The following TSPAN18 variants were observed in gnomAD, a reference collection of about 807,000 sequenced individuals.
TSPAN18 encodes tetraspanin-18.
Under a neutral mutation model 27.3 loss-of-function variants are expected in TSPAN18, and 14 were observed. That is an observed-to-expected ratio of 0.51 (90% CI 0.34 to 0.80). The LOEUF is 0.80. TSPAN18 is among the 30% of genes least tolerant of loss of function. The probability of loss-of-function intolerance (pLI) is 0.01; values close to 1 mark genes in which losing one functional copy is unlikely to be tolerated. For synonymous variants in TSPAN18, 143 were observed against 136.5 expected, an observed-to-expected ratio of 1.05 and a Z score of -0.33; for missense variants, 268 against 323.9, an observed-to-expected ratio of 0.83 and a Z score of 1.32.
intron 3 of TSPAN18, among the ~76,000 whole-genome samples, chr11:44,902,424 A>G (rs10838384): frequency 0.23 from 34,737 of 152,164 alleles, 4,289 homozygotes; most frequent in Middle Eastern, 0.32. Context: ...TGAGGGATGT[A>G]GCTGGCAAGC....
chr11:44,847,444 A>G (rs1210137885), intron 2 of TSPAN18, among the ~76,000 whole-genome samples: 2 of 152,230 alleles, frequency 1.3e-5, no homozygotes, highest in Non-Finnish European at 2.9e-5. Flanking sequence ...AATGTTTGGG[A>G]GGTTCATCCA....
At chr11:44,926,495 C>T in intron 8 of TSPAN18, 179 bp from the exon 9 acceptor site, 2 of 632,570 alleles carry the variant, frequency 3.2e-6, no homozygotes, top group Non-Finnish European at 5.7e-6. Flanking sequence ...GCAATGCTGC[C>T]AAGTCGCTGT....
chr11:44,847,904 G>A (rs1365083429), intron 2 of TSPAN18, among the ~76,000 whole-genome samples: 2 of 151,884 alleles, frequency 1.3e-5, no homozygotes, highest in Non-Finnish European at 2.9e-5. Flanking sequence ...CGTGATCTCA[G>A]CTCACTGCAA....
chr11:44,851,622 C>CCCA (rs1554991797), intron 2 of TSPAN18, among the ~76,000 whole-genome samples: 6 of 148,442 alleles, frequency 4.0e-5, no homozygotes, highest in South Asian at 4.4e-4. Flanking sequence ...ACCTCCCCCC[C>CCCA]CCAACGGCTG....
intron 3 of TSPAN18, among the ~76,000 whole-genome samples, chr11:44,895,592 A>G (rs973957023): frequency 1.4e-4 from 21 of 152,238 alleles, no homozygotes; most frequent in African/African-American, 5.1e-4. Flanking sequence ...AAATGAAGTT[A>G]GTTCAGGGAA....
chr11:44,802,464 T>G (rs933855178), intron 2 of TSPAN18, among the ~76,000 whole-genome samples: 1 of 152,108 alleles, frequency 6.6e-6, no homozygotes, highest in African/African-American at 2.4e-5. Context: ...TAATTTGCAT[T>G]TTAAATAAAT....
At chr11:44,810,401 C>T (rs1048489351) in intron 2 of TSPAN18, among the ~76,000 whole-genome samples, 1 of 152,124 alleles carries the variant, frequency 6.6e-6, no homozygotes, top group Non-Finnish European at 1.5e-5. Flanking sequence ...CCTTTTGTGT[C>T]TGGCTTCTTA....
intron 3 of TSPAN18, among the ~76,000 whole-genome samples, chr11:44,887,915 G>A (rs1858713173): frequency 6.6e-6 from 1 of 152,152 alleles, no homozygotes; most frequent in Non-Finnish European, 1.5e-5. Flanking sequence ...AGTGTGGTGG[G>A]CCAGGTTGTC....
At chr11:44,799,991 C>T (rs558993021) in intron 2 of TSPAN18, among the ~76,000 whole-genome samples, 29 of 149,426 alleles carry the variant, frequency 1.9e-4, no homozygotes, top group African/African-American at 6.9e-4. Flanking sequence ...CCACCACACC[C>T]GGCTAATTTT....
At chr11:44,783,804 GT>G (rs1163291782) in intron 2 of TSPAN18, among the ~76,000 whole-genome samples, 1 of 152,208 alleles carries the variant, frequency 6.6e-6, no homozygotes, top group African/African-American at 2.4e-5. Flanking sequence ...AGTGTCTTAT[GT>G]CATGGCCTGT....
chr11:44,774,583 G>A (rs974811156), intron 2 of TSPAN18, among the ~76,000 whole-genome samples: 2 of 152,140 alleles, frequency 1.3e-5, no homozygotes, highest in Non-Finnish European at 2.9e-5. Flanking sequence ...CTTGCAATTG[G>A]GGACCTCCCA....
chr11:44,911,330 C>T (rs1376894086), intron 5 of TSPAN18, among the ~76,000 whole-genome samples: 1 of 152,088 alleles, frequency 6.6e-6, no homozygotes, highest in African/African-American at 2.4e-5. Context: ...ACCATACCTC[C>T]TCCCCAGACG....
chr11:44,910,625 G>A (rs1859673186), intron 5 of TSPAN18, among the ~76,000 whole-genome samples: 1 of 152,258 alleles, frequency 6.6e-6, no homozygotes, highest in Admixed American at 6.5e-5. Context: ...CCTAGTGGAT[G>A]AGGCCTTCCC....
chr11:44,908,071 G>T (rs868042489), intron 4 of TSPAN18, among the ~76,000 whole-genome samples: 1 of 87,258 alleles, frequency 1.1e-5, no homozygotes, highest in Non-Finnish European at 2.3e-5. Context: ...AAAAAAAAAA[G>T]GAGAGAGACA....
At chr11:44,775,344 G>A (rs911078864) in intron 2 of TSPAN18, among the ~76,000 whole-genome samples, 2 of 152,268 alleles carry the variant, frequency 1.3e-5, no homozygotes, top group South Asian at 2.1e-4. Context: ...CTTTTTGCAC[G>A]TGTGTAGTCA....
chr11:44,862,273 C>T (rs1196746889), intron 3 of TSPAN18, among the ~76,000 whole-genome samples: 1 of 152,206 alleles, frequency 6.6e-6, no homozygotes, highest in Non-Finnish European at 1.5e-5. Flanking sequence ...ATTTAGGGTG[C>T]GATGTGTGAT....
chr11:44,769,927 T>A (rs1288402208), intron 2 of TSPAN18, among the ~76,000 whole-genome samples: 1 of 152,256 alleles, frequency 6.6e-6, no homozygotes, highest in Non-Finnish European at 1.5e-5. Flanking sequence ...CGTGGCTCTA[T>A]CACTAAGTAT....
At chr11:44,735,961 G>C (rs1421932565) in intron 1 of TSPAN18, among the ~76,000 whole-genome samples, 1 of 152,164 alleles carries the variant, frequency 6.6e-6, no homozygotes, top group African/African-American at 2.4e-5. Context: ...GTTCCTGACA[G>C]CTAGGGGTTA....
intron 2 of TSPAN18, among the ~76,000 whole-genome samples, chr11:44,840,874 T>G (rs1360581224): frequency 1.3e-5 from 2 of 152,152 alleles, no homozygotes; most frequent in Non-Finnish European, 2.9e-5. Flanking sequence ...TATATGACCA[T>G]GGGTACAACT....
Sources: allele counts gnomAD v4.1 joint callset (sites outside exome capture counted in the v4.1 genomes callset), GRCh38; gene constraint gnomAD v4.1.1; transcripts MANE v1.5; gene names NCBI Gene and HGNC (gene_info 2026-07-23, HGNC 2026-07-21).